The following WNT7B variants were observed in gnomAD, a reference collection of about 807,000 sequenced individuals.
WNT7B encodes protein Wnt-7b.
A neutral mutation model predicts 38.2 loss-of-function variants in WNT7B; 19 were observed. The observed-to-expected ratio is 0.50, with a 90% CI of 0.35 to 0.73. The LOEUF (loss-of-function observed/expected upper bound fraction) is 0.73. WNT7B is among the 30% of genes least tolerant of loss of function. WNT7B has a pLI of 0.01. For missense variants in WNT7B, 423 were observed against 507.9 expected (o/e 0.83, Z 1.61); for synonymous variants, 243 against 209.3 (o/e 1.16, Z -1.39).
chr22:45,926,967 C>G (rs1931104125), intron 3 of WNT7B: 2 of 985,444 alleles, frequency 2.0e-6, no homozygotes, highest in African/African-American at 3.5e-5. Context: ...ACATGGCCAG[C>G]TAAGGGGGTT....
At chr22:45,929,995 C>CACCTGCAAATAATAACTTAATAACT (rs1931283758) in intron 3 of WNT7B, among the ~76,000 whole-genome samples, 1 of 80,356 alleles carries the variant, frequency 1.2e-5, no homozygotes, top group African/African-American at 5.7e-5. Flanking sequence ...ACTTAATAAC[C>CACCTGCAAATAATAACTTAATAACT]ACCTGCATGA....
At chr22:45,946,302 C>T (rs543812269) in intron 2 of WNT7B, among the ~76,000 whole-genome samples, 6 of 152,344 alleles carry the variant, frequency 3.9e-5, no homozygotes, top group African/African-American at 1.2e-4. Context: ...CTGGCACCCC[C>T]TTCCCTGCGC....
intron 1 of WNT7B, among the ~76,000 whole-genome samples, chr22:45,959,458 A>C (rs1932146188): frequency 6.6e-6 from 1 of 152,180 alleles, no homozygotes; most frequent in South Asian, 2.1e-4. Flanking sequence ...GCTCCCCGCC[A>C]GCAACAGGAC....
chr22:45,975,706 G>T lies in WNT7B; in HGVS notation c.71+978C>A. 1 of 542,256 alleles carries T rather than the reference G, an allele frequency of 1.8e-6. No individual in the cohort carries two copies. Among genetic ancestry groups the T allele is most frequent in the Non-Finnish European group, 3.4e-6 (1 of 291,022 alleles). The allele number at this position is 542,256 out of a possible 1,614,324, so 33.6% of individuals were successfully genotyped here. On this transcript the variant is annotated intron_variant, in intron 1 of 3. Coordinates refer to ENST00000339464, the MANE Select transcript of WNT7B (RefSeq NM_058238.3). This position sits in a 1 kb window ranked among gnomAD's most constrained non-coding sequence, Gnocchi z 6.6. ...CCGCCTTGCCTGTGGCCTGGACGGG[G>T]CTCGCCTCGGGGCAGCCGGCGGCGC...
intron 1 of WNT7B, among the ~76,000 whole-genome samples, chr22:45,953,527 G>A (rs1312774939): frequency 6.6e-6 from 1 of 152,152 alleles, no homozygotes; most frequent in East Asian, 1.9e-4. Flanking sequence ...ACATCTGAAA[G>A]AACTACAACT....
chr22:45,971,711 T>C (rs1932443840), intron 1 of WNT7B, among the ~76,000 whole-genome samples: 1 of 152,154 alleles, frequency 6.6e-6, no homozygotes, highest in Non-Finnish European at 1.5e-5. Flanking sequence ...TGCCGGTGTT[T>C]GCACGAGGGA....
At chr22:45,955,429 C>T (rs890467503) in intron 1 of WNT7B, among the ~76,000 whole-genome samples, 9 of 152,166 alleles carry the variant, frequency 5.9e-5, no homozygotes, top group Admixed American at 2.0e-4. Context: ...CACTGGGGAG[C>T]GTGGGCCGGC....
intron 3 of WNT7B, chr22:45,926,387 G>T: frequency 2.0e-6 from 2 of 985,412 alleles, no homozygotes; most frequent in South Asian, 9.4e-5. Flanking sequence ...TGGGGGCCTG[G>T]TTGGGCAGGG....
intron 1 of WNT7B, among the ~76,000 whole-genome samples, chr22:45,964,293 G>A (rs113862220): frequency 1.6e-4 from 24 of 152,140 alleles, no homozygotes; most frequent in African/African-American, 4.8e-4. Context: ...CTGAGGCTCA[G>A]AAAGGTGTGC....
chr22:45,933,163 G>A (rs573531535), intron 2 of WNT7B, among the ~76,000 whole-genome samples: 6 of 152,302 alleles, frequency 3.9e-5, no homozygotes, highest in Admixed American at 3.9e-4. Flanking sequence ...TAGGCTGTCT[G>A]TCTGCCGTCA....
At chr22:45,942,607 T>C (rs1455881701) in intron 2 of WNT7B, among the ~76,000 whole-genome samples, 1 of 152,182 alleles carries the variant, frequency 6.6e-6, no homozygotes, top group Non-Finnish European at 1.5e-5. Flanking sequence ...CAAGGTGCAC[T>C]CTGGCCAGGG....
At chr22:45,963,138 G>A (rs890996137) in intron 1 of WNT7B, among the ~76,000 whole-genome samples, 2 of 152,196 alleles carry the variant, frequency 1.3e-5, no homozygotes, top group African/African-American at 4.8e-5. Context: ...TCCATGCCTG[G>A]GCCACACAGC....
intron 3 of WNT7B, 26 bp downstream of exon 3, chr22:45,931,059 TCCCAGCTACGGCC>T (rs1569112287): frequency 6.5e-7 from 1 of 1,527,520 alleles, no homozygotes; most frequent in Admixed American, 1.9e-5. Flanking sequence ...GATACAGCGG[TCCCAGCTACGGCC>T]CCCACCAGCC....
chr22:45,930,370 C>T (rs969668963), intron 3 of WNT7B, among the ~76,000 whole-genome samples: 1 of 152,262 alleles, frequency 6.6e-6, no homozygotes, highest in Admixed American at 6.5e-5. Context: ...CTCTGCTGCC[C>T]TGGGTGCAGC....
At chr22:45,972,116 G>GGGGGGGGGGGGCC in intron 1 of WNT7B, 3 of 530,738 alleles carry the variant, frequency 5.7e-6, no homozygotes, top group Non-Finnish European at 6.6e-6. Flanking sequence ...CCCGGGGGGA[G>GGGGGGGGGGGGCC]CCCACCCGCC....
At chr22:45,927,450 A>T in intron 3 of WNT7B, 1 of 1,549,124 alleles carries the variant, frequency 6.5e-7, no homozygotes, top group South Asian at 1.2e-5. Flanking sequence ...GGAACGGCAT[A>T]GCAACCCCCC....
chr22:45,941,440 G>T lies in WNT7B; in HGVS notation c.298+8480C>A, dbSNP rs148435800. ...CCAGCAGAATCACTTGAACCCAGGA[G>T]ATGAAGGTTGCAGTGAGCTGAGATC... On this transcript the variant is annotated intron_variant, in intron 2 of 3. Transcript: ENST00000339464. Among the ~76,000 whole-genome samples the T allele has an allele frequency of 3.6e-3, 549 of 151,006 alleles. 7 individuals are homozygous for T. The highest frequency in any genetic ancestry group is 0.013 in the African/African-American group (525 of 41,018).
chr22:45,948,742 G>C (rs1408878347), intron 2 of WNT7B, among the ~76,000 whole-genome samples: 1 of 152,128 alleles, frequency 6.6e-6, no homozygotes, highest in East Asian at 1.9e-4. Context: ...ATCACCAGTG[G>C]GGAAGCTGAG....
In WNT7B at chr22:45,977,027, G is replaced by A. The variant is rs1246873471; in HGVS notation, c.-273C>T. ...GTTGAGCGACCGTGGACCCCTGCAA[G>A]CGCGGGCCGGGGGCCCGGGCGCGGC... On this transcript the variant is annotated 5_prime_UTR_variant, in exon 1 of 4. Transcript: ENST00000339464. 2.0e-6 allele frequency: 2 copies of A among 984,986 alleles called. No homozygotes were observed. Among genetic ancestry groups the A allele is most frequent in the Non-Finnish European group, 2.4e-6 (2 of 830,128 alleles). 61.0% of individuals were successfully genotyped at this position (984,986 alleles called of 1,614,324 possible). A position where few individuals can be genotyped will look rare whatever the true frequency, so the allele number is the denominator to read the frequency against.
Sources: gnomAD v4.1 joint callset for allele counts (sites outside exome capture counted in the v4.1 genomes callset) on GRCh38, gnomAD v4.1.1 for gene constraint, Gnocchi (gnomAD v3.1) non-coding constraint, MANE v1.5 for transcripts, NCBI Gene and HGNC (gene_info 2026-07-23, HGNC 2026-07-21) for gene names.